The following IFNG variants were observed in gnomAD, a reference collection of about 807,000 sequenced individuals.
The protein encoded by IFNG is IFN-gamma.
Under a neutral mutation model 14.4 loss-of-function variants are expected in IFNG, and 8 were observed. The observed-to-expected ratio is 0.56, with a 90% CI of 0.33 to 1.00. The LOEUF (loss-of-function observed/expected upper bound fraction) is 1.00, where lower values mean the gene tolerates loss of function less well. Among genes scored for constraint, IFNG ranks in the 50% least tolerant of loss-of-function variants. The pLI is 0.03. For missense variants in IFNG, 132 were observed against 194.9 expected (o/e 0.68, Z 1.92); for synonymous variants, 73 against 65.4 (o/e 1.12, Z -0.56).
chr12:68,159,649 A>C lies in IFNG; in HGVS notation c.-34T>G, dbSNP rs752463155. The C allele has an allele frequency of 8.7e-6, 10 of 1,149,570 alleles. No homozygotes were observed. Among genetic ancestry groups the C allele is most frequent in the Non-Finnish European group, 1.3e-6 (1 of 770,878 alleles). 71.2% of individuals were successfully genotyped at this position (1,149,570 alleles called of 1,614,324 possible). On this transcript the variant is annotated 5_prime_UTR_variant, in exon 1 of 4. Transcript: ENST00000229135. ...AGAGAATTAAGCCAAAGAAGTTGAA[A>C]TCAGTAGTTCTTGTATCAAGCTGAT...
At position 68,155,597 on chromosome 12, in the gene IFNG, C is replaced by A. The variant is rs55662249; in HGVS notation, c.367-110G>T. 4.9e-3 allele frequency: 4,499 copies of A among 916,178 alleles called. 18 individuals carry two copies. The highest frequency in any genetic ancestry group is 6.4e-3 in the Non-Finnish European group (4,018 of 629,452). The allele number at this position is 916,178 out of a possible 1,614,324, so 56.8% of individuals were successfully genotyped here. On this transcript the variant is annotated intron_variant, in intron 3 of 3. Transcript: ENST00000229135. ...TAAAAGTATTCCTTTAAAAAATGGA[C>A]CGTATTACCTTAATATACAATATTT... is the stretch of plus-strand genomic sequence containing the variant.
At chr12:68,156,808 G>A (rs1882608743) in intron 3 of IFNG, among the ~76,000 whole-genome samples, 1 of 152,124 alleles carries the variant, frequency 6.6e-6, no homozygotes. Flanking sequence ...AACAAGTGCT[G>A]AGTGTCTAGT....
Position 68,158,215 on chromosome 12 carries a change from TAAGAA to T in IFNG, c.154_158del (p.Phe52ArgfsTer11). On this transcript the variant is annotated frameshift_variant, in exon 2 of 4. Transcript: ENST00000229135. LOFTEE classifies it high-confidence loss of function. ...CCTCTTTCCAATTCTTCAAAATGCC[TAAGAA>T]AAGAGTTCCATTATCCGCTACATCT... 3 of 1,608,622 alleles carry T rather than the reference TAAGAA, an allele frequency of 1.9e-6. No individual in the cohort carries two copies. The highest frequency in any genetic ancestry group is 2.5e-6 in the Non-Finnish European group (3 of 1,178,070).
At chr12:68,158,898 A>C (rs2120749352) in intron 1 of IFNG, among the ~76,000 whole-genome samples, 1 of 152,322 alleles carries the variant, frequency 6.6e-6, no homozygotes, top group East Asian at 1.9e-4. Context: ...AAAGAAACTC[A>C]AAAAATTCAC....
chr12:68,157,470 T>C (rs1882617897), intron 3 of IFNG, among the ~76,000 whole-genome samples: 1 of 152,182 alleles, frequency 6.6e-6, no homozygotes, highest in African/African-American at 2.4e-5. Context: ...GCCATGTGAT[T>C]CATCACAGTT....
At chr12:68,157,497 GGGA>G (rs1419100679) in intron 3 of IFNG, among the ~76,000 whole-genome samples, 2 of 152,162 alleles carry the variant, frequency 1.3e-5, no homozygotes, top group African/African-American at 2.4e-5. Flanking sequence ...TGGCTGAGTT[GGGA>G]GGAGAACACA....
rs767503659 is a variant in IFNG, at chr12:68,155,400, G to T, written c.454C>A (p.Arg152=). 7 of 1,610,916 alleles carry T rather than the reference G, an allele frequency of 4.3e-6. No individual in the cohort carries two copies. The highest frequency in any genetic ancestry group is 1.6e-4 in the Middle Eastern group (1 of 6,078). The change falls in exon 4 of 4, where the codon CGA becomes AGA. Residue 152 remains arginine (R), a synonymous_variant. Transcript: ENST00000229135. The part of the protein sequence containing the change: ...ELSPAAKTGK[R]KRSQMLFRGR... ...CGAAACAGCATCTGACTCCTTTTTC[G>T]CTTCCCTGTTTTAGCTGCTGGCGAC...
rs1008663098 is a variant in IFNG at position 68,157,512 on chromosome 12, A to G, written c.366+401T>C. Among the ~76,000 whole-genome samples the G allele has an allele frequency of 2.0e-5, 3 of 152,286 alleles. No individual in the cohort carries two copies. The South Asian group carries it at 6.2e-4, about 32-fold the overall frequency. On this transcript the variant is annotated intron_variant, in intron 3 of 3. Transcript: ENST00000229135. ...TGGCTGAGTTGGGAGGAGAACACACATCTTCTCAGCTCCTCCCACTGCTCT... is the reference window on the plus strand; with the variant it reads ...TGGCTGAGTTGGGAGGAGAACACACGTCTTCTCAGCTCCTCCCACTGCTCT...
chr12:68,159,635 C>A lies in IFNG; in HGVS notation c.-20G>T, dbSNP rs763318705. ...TTTCATCGTTTCCGAGAGAATTAAG[C>A]CAAAGAAGTTGAAATCAGTAGTTCT... On this transcript the variant is annotated 5_prime_UTR_variant, in exon 1 of 4. Transcript: ENST00000229135. 7 of 1,363,372 alleles carry A rather than the reference C, an allele frequency of 5.1e-6. No homozygotes were observed. Among genetic ancestry groups the A allele is most frequent in the Non-Finnish European group, 5.2e-6 (5 of 962,004 alleles). 84.5% of individuals were successfully genotyped at this position (1,363,372 alleles called of 1,614,324 possible).
rs55975630 is a variant in IFNG at position 68,156,089 on chromosome 12, C to T, written c.367-602G>A. 1.1e-3 allele frequency among the ~76,000 whole-genome samples: 164 copies of T among 152,224 alleles called. 1 individual carries two copies. The highest frequency in any genetic ancestry group is 3.4e-3 in the Middle Eastern group (1 of 294). On this transcript the variant is annotated intron_variant, in intron 3 of 3. Coordinates refer to ENST00000229135, the MANE Select transcript of IFNG (RefSeq NM_000619.3). ...AAGCTCCCCAGGTGATTCTGACATC[C>T]ACCTAAGTTTGAGAACCACTGATCT...
At chr12:68,157,531 C>G (rs369149274) in intron 3 of IFNG, among the ~76,000 whole-genome samples, 2 of 152,308 alleles carry the variant, frequency 1.3e-5, no homozygotes, top group African/African-American at 4.8e-5. Context: ...GCTCCTCCCA[C>G]TGCTCTTTCC....
chr12:68,158,100 G>C lies in IFNG; in HGVS notation c.184-5C>G, dbSNP rs1658605386. 1 of 1,596,794 alleles carries C rather than the reference G, an allele frequency of 6.3e-7. No individual in the cohort carries two copies. The highest frequency in any genetic ancestry group is 1.1e-5 in the South Asian group (1 of 87,944). On this transcript the variant is annotated splice_region_variant and splice_polypyrimidine_tract_variant and intron_variant, in intron 2 of 3. Coordinates refer to ENST00000229135, the MANE Select transcript of IFNG (RefSeq NM_000619.3). The stretch of plus-strand genomic sequence containing the variant: ...CATTATTTTTCTGTCACTCTCCTTG[G>C]AAGGAAAGAGCACAAACAGAGGATG...
intron 3 of IFNG, among the ~76,000 whole-genome samples, chr12:68,157,536 C>G (rs1437551347): frequency 6.6e-6 from 1 of 152,188 alleles, no homozygotes; most frequent in Admixed American, 6.5e-5. Context: ...TCCCACTGCT[C>G]TTTCCATTAA....
At chr12:68,157,832 G>T in intron 3 of IFNG, 81 bp downstream of exon 3, 2 of 998,984 alleles carry the variant, frequency 2.0e-6, no homozygotes, top group South Asian at 1.7e-5. Flanking sequence ...CTGTTAAATA[G>T]CTAATGTCTA....
In IFNG at chr12:68,158,343, A is replaced by T; in HGVS notation, c.115-84T>A. 4 of 864,916 alleles carry T rather than the reference A, an allele frequency of 4.6e-6. No homozygotes were observed. In the East Asian group the frequency reaches 1.0e-4, roughly 23 times the overall value. 53.6% of individuals were successfully genotyped at this position (864,916 alleles called of 1,614,324 possible). ...ATATTTCAAGTTTCATTGAACTCAG[A>T]TGTGACAATATTCACTGATTTCCTT... On this transcript the variant is annotated intron_variant, in intron 1 of 3. Transcript: ENST00000229135.
At chr12:68,156,354 A>G (rs1017256459) in intron 3 of IFNG, among the ~76,000 whole-genome samples, 14 of 152,184 alleles carry the variant, frequency 9.2e-5, no homozygotes, top group African/African-American at 3.1e-4. Context: ...ACTCTAACCA[A>G]TAGGGCCATT....
intron 1 of IFNG, among the ~76,000 whole-genome samples, chr12:68,159,246 T>C (rs533197194): frequency 2.6e-5 from 4 of 152,366 alleles, no homozygotes; most frequent in African/African-American, 9.6e-5. Flanking sequence ...AACATCATTA[T>C]GCTTCATACC....
At chr12:68,158,299 C>A (rs754599395) in intron 1 of IFNG, 40 bp from the exon 2 acceptor site, 6 of 1,364,934 alleles carry the variant, frequency 4.4e-6, no homozygotes, top group South Asian at 1.3e-5. Flanking sequence ...ACAATTAGCC[C>A]ATAAATTGCC....
intron 3 of IFNG, among the ~76,000 whole-genome samples, 197 bp from the exon 4 acceptor site, chr12:68,155,684 G>A (rs1882590448): frequency 6.6e-6 from 1 of 152,126 alleles, no homozygotes; most frequent in Non-Finnish European, 1.5e-5. Context: ...ATAATGTGGT[G>A]GAGTCCATCA....
Sources: allele counts gnomAD v4.1 joint callset (sites outside exome capture counted in the v4.1 genomes callset), GRCh38; gene constraint gnomAD v4.1.1; transcripts MANE v1.5; gene names NCBI Gene and HGNC (gene_info 2026-07-23, HGNC 2026-07-21).